ADARB1: variants seen among roughly 807,000 people sequenced by gnomAD.
ADARB1 encodes double-stranded RNA-specific editase 1.
In ADARB1, 10 loss-of-function variants were observed where a neutral mutation model predicts 52.4. The ratio of observed to expected loss-of-function variants is 0.19; its 90% CI spans 0.12 to 0.32. The LOEUF is 0.32. Among genes scored for constraint, ADARB1 ranks in the 10% least tolerant of loss-of-function variants. ADARB1 has a pLI of 1.00. For missense variants in ADARB1, 643 were observed against 922.3 expected, an observed-to-expected ratio of 0.70 and a Z score of 3.92; for synonymous variants, 349 against 371.1, an observed-to-expected ratio of 0.94 and a Z score of 0.68.
intron 2 of ADARB1, among the ~76,000 whole-genome samples, chr21:45,130,917 T>C (rs1404411833): frequency 1.3e-5 from 2 of 152,198 alleles, no homozygotes; most frequent in Non-Finnish European, 2.9e-5. Context: ...GCAAGAGGAA[T>C]TGCTGAGGAG....
Position 45,225,222 on chromosome 21 carries a change from G to A in ADARB1, c.*3025G>A. On this transcript the variant is annotated 3_prime_UTR_variant, in exon 11 of 11. Transcript: ENST00000348831. Reference sequence around the variant, plus strand: ...GGGGCGGTGTGTTCTGTGCCATGAGGCAGCGACAGGTCCAGATGGATGTCG... The same window carrying A: ...GGGGCGGTGTGTTCTGTGCCATGAGACAGCGACAGGTCCAGATGGATGTCG... 9.2e-7 allele frequency: 1 copy of A among 1,086,554 alleles called. No individual in the cohort carries two copies. Among genetic ancestry groups the A allele is most frequent in the Non-Finnish European group, 1.1e-6 (1 of 896,364 alleles). The allele number at this position is 1,086,554 out of a possible 1,614,324, so 67.3% of individuals were successfully genotyped here.
At chr21:45,193,999 G>A (rs1569149999) in intron 8 of ADARB1, among the ~76,000 whole-genome samples, 1 of 152,152 alleles carries the variant, frequency 6.6e-6, no homozygotes, top group Non-Finnish European at 1.5e-5. Flanking sequence ...ATATGGAAAT[G>A]CAAAGGACAT....
At position 45,224,987 on chromosome 21, in the gene ADARB1, C is replaced by T. The variant is rs923198944; in HGVS notation, c.*2790C>T. The T allele has an allele frequency of 6.1e-6, 6 of 985,178 alleles. No homozygotes were observed. The highest frequency in any genetic ancestry group is 7.2e-6 in the Non-Finnish European group (6 of 829,916). The allele number at this position is 985,178 out of a possible 1,614,324, so 61.0% of individuals were successfully genotyped here. A position where few individuals can be genotyped will look rare whatever the true frequency, so the allele number is the denominator to read the frequency against. Reference sequence around the variant, plus strand: ...GCTTTTAGAGACTTAGCAGAAAATTCGACACAAGCAGGAACTTGATTTTTT... The same window carrying T: ...GCTTTTAGAGACTTAGCAGAAAATTTGACACAAGCAGGAACTTGATTTTTT... On this transcript the variant is annotated 3_prime_UTR_variant, in exon 11 of 11. Coordinates refer to ENST00000348831, the MANE Select transcript of ADARB1 (RefSeq NM_001112.4).
At chr21:45,141,343 G>C (rs1307023106) in intron 2 of ADARB1, among the ~76,000 whole-genome samples, 2 of 152,184 alleles carry the variant, frequency 1.3e-5, no homozygotes, top group Admixed American at 1.3e-4. Context: ...ATATGTAGTA[G>C]TGGTTTTACA....
intron 1 of ADARB1, among the ~76,000 whole-genome samples, chr21:45,104,438 G>A (rs2087160676): frequency 6.6e-6 from 1 of 152,160 alleles, no homozygotes; most frequent in South Asian, 2.1e-4. Flanking sequence ...GAAAGAGCAG[G>A]GAAGAATTGG....
intron 2 of ADARB1, among the ~76,000 whole-genome samples, chr21:45,168,385 C>T (rs1394483005): frequency 1.3e-5 from 2 of 152,116 alleles, no homozygotes; most frequent in African/African-American, 4.8e-5. Flanking sequence ...TCTAAAAACT[C>T]TTTGCCTAGC....
intron 2 of ADARB1, among the ~76,000 whole-genome samples, chr21:45,144,112 T>G (rs1189726238): frequency 1.3e-5 from 2 of 152,266 alleles, no homozygotes; most frequent in Non-Finnish European, 2.9e-5. Flanking sequence ...GACAGACATT[T>G]CTGAGGTACT....
intron 8 of ADARB1, among the ~76,000 whole-genome samples, chr21:45,198,957 A>G (rs2092489288): frequency 6.6e-6 from 1 of 152,238 alleles, no homozygotes; most frequent in Non-Finnish European, 1.5e-5. Flanking sequence ...CCAACATGGC[A>G]ATAGAAAACT....
At chr21:45,159,366 G>A (rs886295490) in intron 2 of ADARB1, among the ~76,000 whole-genome samples, 2 of 152,124 alleles carry the variant, frequency 1.3e-5, no homozygotes, top group Non-Finnish European at 1.5e-5. Context: ...TCTCCCACTG[G>A]GTCCCTCCCA....
intron 1 of ADARB1, among the ~76,000 whole-genome samples, chr21:45,121,389 G>A (rs1043563874): frequency 6.6e-6 from 1 of 152,132 alleles, no homozygotes; most frequent in Non-Finnish European, 1.5e-5. Flanking sequence ...TTACTTTCCC[G>A]TCTGCACATT....
rs1194640910 is a variant in ADARB1, at chr21:45,225,485, C to G, written c.*3288C>G. ...TTTATTCAAATAACCATATTTATCT[C>G]CAGGCTGTGGAATCGCCACTTTCTT... On this transcript the variant is annotated 3_prime_UTR_variant, in exon 11 of 11. Transcript: ENST00000348831. The G allele has an allele frequency of 1.5e-6, 2 of 1,313,650 alleles. No homozygotes were observed. Among genetic ancestry groups the G allele is most frequent in the East Asian group, 5.6e-5 (2 of 35,740 alleles). The allele number at this position is 1,313,650 out of a possible 1,614,324, so 81.4% of individuals were successfully genotyped here.
At chr21:45,146,191 G>C (rs966800662) in intron 2 of ADARB1, 1 of 151,718 alleles carries the variant, frequency 6.6e-6, no homozygotes, top group Non-Finnish European at 1.5e-5. Context: ...CCTGTGGTGG[G>C]GTTATGGTTT....
intron 1 of ADARB1, among the ~76,000 whole-genome samples, chr21:45,095,165 G>A (rs925845057): frequency 2.0e-5 from 3 of 152,332 alleles, no homozygotes; most frequent in Middle Eastern, 3.4e-3. Flanking sequence ...GATTCCGTGG[G>A]CAGTGCCACC....
intron 2 of ADARB1, among the ~76,000 whole-genome samples, chr21:45,169,067 T>A (rs985727077): frequency 2.0e-5 from 3 of 152,218 alleles, no homozygotes; most frequent in African/African-American, 7.2e-5. Context: ...TGAGAGGGCC[T>A]CATCACTGCT....
intron 2 of ADARB1, among the ~76,000 whole-genome samples, chr21:45,139,313 T>G (rs2089576082): frequency 6.6e-6 from 1 of 152,236 alleles, no homozygotes; most frequent in Admixed American, 6.5e-5. Flanking sequence ...GGCACTTATA[T>G]TATTATGACG....
At chr21:45,148,295 C>G (rs1254825419) in intron 2 of ADARB1, among the ~76,000 whole-genome samples, 1 of 152,210 alleles carries the variant, frequency 6.6e-6, no homozygotes, top group Non-Finnish European at 1.5e-5. Flanking sequence ...AAGGTGGAGT[C>G]ACAGCTACCA....
At chr21:45,215,693 A>G (rs1232097021) in intron 9 of ADARB1, among the ~76,000 whole-genome samples, 1 of 152,202 alleles carries the variant, frequency 6.6e-6, no homozygotes, top group Non-Finnish European at 1.5e-5. Flanking sequence ...GCATCTTGGG[A>G]TAAACGTTAT....
intron 9 of ADARB1, among the ~76,000 whole-genome samples, chr21:45,211,758 C>G (rs1478445658): frequency 6.6e-6 from 1 of 152,198 alleles, no homozygotes; most frequent in Non-Finnish European, 1.5e-5. Context: ...CCAAGTTGTT[C>G]TTGCTTTTAT....
intron 2 of ADARB1, among the ~76,000 whole-genome samples, chr21:45,134,311 G>A (rs1479553395): frequency 3.0e-4 from 44 of 145,034 alleles, no homozygotes; most frequent in African/African-American, 1.1e-3. Flanking sequence ...ACAGTGGTGT[G>A]TGCGCCCGCC....
Sources: allele counts gnomAD v4.1 joint callset (sites outside exome capture counted in the v4.1 genomes callset), GRCh38; gene constraint gnomAD v4.1.1; transcripts MANE v1.5; gene names NCBI Gene and HGNC (gene_info 2026-07-23, HGNC 2026-07-21).